CLEC16A: variants seen among roughly 807,000 people sequenced by gnomAD.
CLEC16A encodes the protein protein CLEC16A.
Under a neutral mutation model 109.5 loss-of-function variants are expected in CLEC16A, and 51 were observed. The observed-to-expected ratio is 0.47, with a 90% CI of 0.37 to 0.59. CLEC16A has a LOEUF of 0.59. Among genes scored for constraint, CLEC16A ranks in the 20% least tolerant of loss-of-function variants. CLEC16A has a pLI of 0.00. For synonymous variants in CLEC16A, 673 were observed against 564.2 expected, an observed-to-expected ratio of 1.19 and a Z score of -2.73; for missense variants, 1,339 against 1,394.0, an observed-to-expected ratio of 0.96 and a Z score of 0.63.
At chr16:11,152,478 C>A (rs1457711055) in intron 22 of CLEC16A, among the ~76,000 whole-genome samples, 2 of 152,156 alleles carry the variant, frequency 1.3e-5, no homozygotes, top group African/African-American at 4.8e-5. Flanking sequence ...TGACGGGGGG[C>A]CCAAGCTCTG....
At chr16:11,095,852 T>C (rs928622412) in intron 19 of CLEC16A, among the ~76,000 whole-genome samples, 1 of 147,122 alleles carries the variant, frequency 6.8e-6, no homozygotes, top group Non-Finnish European at 1.5e-5. Context: ...GCTAGAAGCG[T>C]AGCTGTAGCG....
intron 11 of CLEC16A, among the ~76,000 whole-genome samples, chr16:11,011,423 G>T: frequency 6.6e-6 from 1 of 152,090 alleles, no homozygotes; most frequent in Middle Eastern, 3.2e-3. Context: ...TTATTTTGGT[G>T]CTTAAATTGT....
chr16:10,957,463 G>A (rs756983146), intron 1 of CLEC16A, among the ~76,000 whole-genome samples: 6 of 152,208 alleles, frequency 3.9e-5, no homozygotes, highest in East Asian at 1.9e-4. Context: ...CTGAATTTCC[G>A]AGGGGGCTCC....
intron 22 of CLEC16A, among the ~76,000 whole-genome samples, chr16:11,140,701 C>G (rs1293588630): frequency 1.3e-5 from 2 of 152,216 alleles, no homozygotes; most frequent in Non-Finnish European, 2.9e-5. Context: ...TGAAAGCCAC[C>G]ATCATCAGTG....
chr16:10,981,979 C>A (rs1008488554), intron 9 of CLEC16A, among the ~76,000 whole-genome samples: 7 of 152,228 alleles, frequency 4.6e-5, no homozygotes, highest in African/African-American at 1.4e-4. Context: ...TCCCTCCATA[C>A]TCAGTTATAG....
intron 22 of CLEC16A, among the ~76,000 whole-genome samples, chr16:11,143,087 C>T (rs956659593): frequency 1.3e-5 from 2 of 152,232 alleles, no homozygotes; most frequent in Non-Finnish European, 2.9e-5. Context: ...GCAGGGATTA[C>T]AGGCATGACC....
intron 19 of CLEC16A, among the ~76,000 whole-genome samples, chr16:11,085,978 G>GCAA (rs1400610300): frequency 1.1e-4 from 16 of 152,310 alleles, no homozygotes; most frequent in African/African-American, 3.9e-4. Context: ...AGGCCTCTCG[G>GCAA]GTCTTCAGCT....
At position 11,007,571 on chromosome 16, in the gene CLEC16A, A is replaced by G. The variant is rs564303525; in HGVS notation, c.1303+4266A>G. Among the ~76,000 whole-genome samples, 6 of 152,340 alleles carry G rather than the reference A, an allele frequency of 3.9e-5. No homozygotes were observed. In the East Asian group the frequency reaches 1.2e-3, roughly 29 times the overall value. On this transcript the variant is annotated intron_variant, in intron 11 of 23. Coordinates refer to ENST00000409790, the MANE Select transcript of CLEC16A (RefSeq NM_015226.3). ...CCTAATGCCTGGGCCTCAGATTGTC[A>G]TAAGTGAGAACATCAACACTGTAGC...
intron 22 of CLEC16A, among the ~76,000 whole-genome samples, chr16:11,139,828 A>G (rs1352877161): frequency 6.6e-6 from 1 of 152,228 alleles, no homozygotes; most frequent in Non-Finnish European, 1.5e-5. Flanking sequence ...TATGTGGTCT[A>G]CTTCTAGCCT....
At chr16:11,109,708 G>C (rs9926078) in intron 19 of CLEC16A, among the ~76,000 whole-genome samples, 68,097 of 152,050 alleles carry the variant, frequency 0.45, 15,482 homozygotes, top group African/African-American at 0.52. Context: ...CCCTCCAGGT[G>C]TCCTATCAGC....
chr16:10,956,773 G>A (rs1354001538), intron 1 of CLEC16A, among the ~76,000 whole-genome samples: 1 of 152,124 alleles, frequency 6.6e-6, no homozygotes, highest in East Asian at 1.9e-4. Flanking sequence ...ATGAAGTACA[G>A]CACCATAGCC....
chr16:11,035,360 A>G (rs2046962168), intron 13 of CLEC16A, among the ~76,000 whole-genome samples: 2 of 152,240 alleles, frequency 1.3e-5, no homozygotes, highest in African/African-American at 4.8e-5. Flanking sequence ...GATCAAAACT[A>G]CTTAACTTTT....
intron 11 of CLEC16A, among the ~76,000 whole-genome samples, chr16:11,014,381 A>G (rs529116436): frequency 7.5e-4 from 115 of 152,328 alleles, no homozygotes; most frequent in African/African-American, 2.7e-3. Flanking sequence ...GTATTTTGCA[A>G]TTACAAAGAA....
At chr16:11,123,054 C>G (rs1037233510) in intron 20 of CLEC16A, among the ~76,000 whole-genome samples, 2 of 152,022 alleles carry the variant, frequency 1.3e-5, no homozygotes, top group African/African-American at 4.8e-5. Context: ...CAAGCGCACG[C>G]CACCATGCTT....
rs2046017691 is a variant in CLEC16A, at chr16:11,020,276, G to A, written c.1387G>A (p.Glu463Lys). Reference protein sequence around the residue: ...TSVQEQNTTDEEKSAAATCSE... With the variant: ...TSVQEQNTTDKEKSAAATCSE... The stretch of plus-strand genomic sequence containing the variant: ...CGTGCAGGAGCAGAACACCACGGAC[G>A]AGGAGAAAAGCGCCGCCGCCACCTG... The change falls in exon 12 of 24, where the codon GAG becomes AAG. Residue 463 changes from glutamate (E) to lysine (K), a missense_variant. Transcript: ENST00000409790. 1.9e-6 allele frequency: 3 copies of A among 1,613,694 alleles called. No individual in the cohort carries two copies. The highest frequency in any genetic ancestry group is 1.3e-5 in the African/African-American group (1 of 74,936).
intron 19 of CLEC16A, among the ~76,000 whole-genome samples, chr16:11,079,049 G>A (rs992968990): frequency 6.6e-6 from 1 of 152,188 alleles, no homozygotes; most frequent in Non-Finnish European, 1.5e-5. Context: ...CCTCCTGGAT[G>A]CTCCCCAGCC....
At position 10,944,641 on chromosome 16, in the gene CLEC16A, C is replaced by T. The variant is rs376701094; in HGVS notation, c.-77C>T. 1.4e-5 allele frequency: 20 copies of T among 1,398,756 alleles called. No individual in the cohort carries two copies. The highest frequency in any genetic ancestry group is 3.7e-4 in the Middle Eastern group (2 of 5,436). 86.6% of individuals were successfully genotyped at this position (1,398,756 alleles called of 1,614,324 possible). A position where few individuals can be genotyped will look rare whatever the true frequency, so the allele number is the denominator to read the frequency against. On this transcript the variant is annotated 5_prime_UTR_variant, in exon 1 of 24. Coordinates refer to ENST00000409790, the MANE Select transcript of CLEC16A (RefSeq NM_015226.3). ...TCCGCCGCCGCATCCTCCGCTTGTG[C>T]TACCGCCGCGGGCGCTGGGCCGCTC... is the stretch of plus-strand genomic sequence containing the variant.
chr16:10,979,930 AGT>A (rs2043227097), intron 9 of CLEC16A, among the ~76,000 whole-genome samples: 1 of 152,148 alleles, frequency 6.6e-6, no homozygotes, highest in South Asian at 2.1e-4. Flanking sequence ...TCCTTCAACA[AGT>A]GTGTTTCCTT....
At chr16:10,972,413 CT>C (rs1477766466) in intron 5 of CLEC16A, 140 bp from the exon 6 acceptor site, 25 of 714,104 alleles carry the variant, frequency 3.5e-5, no homozygotes, top group East Asian at 1.9e-4. Context: ...TCCTTCTAAC[CT>C]TATCTCTCTG....
Sources: gnomAD v4.1 joint callset for allele counts (sites outside exome capture counted in the v4.1 genomes callset) on GRCh38, gnomAD v4.1.1 for gene constraint, MANE v1.5 for transcripts, NCBI Gene and HGNC (gene_info 2026-07-23, HGNC 2026-07-21) for gene names.